Variants in LRP1B observed in about 807,000 individuals in gnomAD.
LRP1B encodes the protein low-density lipoprotein receptor-related protein 1B.
LRP1B carries 217 observed loss-of-function variants against 556.6 expected under a neutral mutation model. The observed-to-expected ratio is 0.39, with a 90% CI of 0.35 to 0.44. The LOEUF (loss-of-function observed/expected upper bound fraction) is 0.44. Ranked by LOEUF, LRP1B falls within the 20% of genes least tolerant of loss-of-function variation. The pLI, the probability that LRP1B is intolerant of heterozygous loss-of-function variation, is 1.00. For missense variants in LRP1B, 5,053 were observed against 5,620.8 expected, an observed-to-expected ratio of 0.90 and a Z score of 3.23; for synonymous variants, 2,047 against 1,865.8, an observed-to-expected ratio of 1.10 and a Z score of -2.50.
At chr2:141,747,596 G>A (rs965353444) in intron 2 of LRP1B, among the ~76,000 whole-genome samples, 5 of 152,062 alleles carry the variant, frequency 3.3e-5, no homozygotes, top group Admixed American at 6.6e-5. Flanking sequence ...ATGATATCCC[G>A]ACTGTACTGG....
At chr2:141,044,674 C>T (rs1397049667) in intron 11 of LRP1B, among the ~76,000 whole-genome samples, 2 of 151,870 alleles carry the variant, frequency 1.3e-5, no homozygotes, top group African/African-American at 4.8e-5. Flanking sequence ...AAAAAATGCT[C>T]ATCATCACTG....
rs560189441 is a variant in LRP1B, at chr2:141,230,151, G to A, written c.593-711C>T. Among the ~76,000 whole-genome samples the A allele has an allele frequency of 5.9e-5, 9 of 152,236 alleles. No homozygotes were observed. In the South Asian group the frequency reaches 1.2e-3, roughly 21 times the overall value. On this transcript the variant is annotated intron_variant, in intron 5 of 90. Coordinates refer to ENST00000389484, the MANE Select transcript of LRP1B (RefSeq NM_018557.3). Reference sequence around the variant, plus strand: ...CAGAGTTTCAACAGCATATTTAAACGTAACAGTAAAATCTGATAGAAAATT... The same window carrying A: ...CAGAGTTTCAACAGCATATTTAAACATAACAGTAAAATCTGATAGAAAATT...
chr2:141,694,465 A>G (rs1007181848), intron 2 of LRP1B, among the ~76,000 whole-genome samples: 2 of 152,020 alleles, frequency 1.3e-5, no homozygotes, highest in South Asian at 2.1e-4. Context: ...TGTACCAATA[A>G]TTTACTCATC....
chr2:140,428,764 C>T (rs1355552009), intron 66 of LRP1B, among the ~76,000 whole-genome samples: 2 of 152,148 alleles, frequency 1.3e-5, no homozygotes, highest in Non-Finnish European at 2.9e-5. Context: ...GTTTCCCTTG[C>T]CTCCATAACT....
At chr2:140,251,290 C>A (rs1024685401) in intron 86 of LRP1B, among the ~76,000 whole-genome samples, 1 of 151,192 alleles carries the variant, frequency 6.6e-6, no homozygotes, top group Non-Finnish European at 1.5e-5. Flanking sequence ...ACATATAAAC[C>A]GTCTAAAATA....
chr2:141,685,125 TTTC>T (rs1691247982), intron 2 of LRP1B, among the ~76,000 whole-genome samples: 1 of 152,112 alleles, frequency 6.6e-6, no homozygotes, highest in South Asian at 2.1e-4. Flanking sequence ...TCTTCCTCCT[TTTC>T]TTCTTTTTAA....
chr2:141,448,843 G>T (rs942552976), intron 3 of LRP1B, among the ~76,000 whole-genome samples: 1 of 152,246 alleles, frequency 6.6e-6, no homozygotes, highest in Non-Finnish European at 1.5e-5. Flanking sequence ...TTCCTATTTG[G>T]CCATCTTGCC....
intron 3 of LRP1B, among the ~76,000 whole-genome samples, chr2:141,463,915 T>C (rs1476342830): frequency 6.7e-6 from 1 of 150,024 alleles, no homozygotes; most frequent in African/African-American, 2.4e-5. Context: ...TTTTTCTGAT[T>C]TTGGGGGGCC....
At chr2:140,867,972 C>CGAA in intron 26 of LRP1B, 127 bp downstream of exon 26, 1 of 1,116,660 alleles carries the variant, frequency 9.0e-7, no homozygotes. Flanking sequence ...TTGGGGCAAG[C>CGAA]AAAAAAAAAA....
In LRP1B at chr2:140,412,133, A is replaced by G. The variant is rs191431045; in HGVS notation, c.10415-26124T>C. Among the ~76,000 whole-genome samples the G allele has an allele frequency of 2.5e-3, 387 of 152,222 alleles. 2 individuals carry two copies. Among genetic ancestry groups the G allele is most frequent in the African/African-American group, 8.8e-3 (367 of 41,556 alleles). On this transcript the variant is annotated intron_variant, in intron 66 of 90. Transcript: ENST00000389484. ...GACTCAAAAAAGAAGCAAATATATC[A>G]ATTAGGTTACTCTACAAAGGTTCAT... is the stretch of plus-strand genomic sequence containing the variant.
chr2:141,285,788 C>T (rs1340209482), intron 3 of LRP1B, among the ~76,000 whole-genome samples: 2 of 137,630 alleles, frequency 1.5e-5, no homozygotes, highest in African/African-American at 2.6e-5. Flanking sequence ...ATGTTCAGGC[C>T]GGGCGCGGTG....
At chr2:140,457,793 T>G (rs1213644477) in intron 60 of LRP1B, 142 bp from the exon 61 acceptor site, 3 of 629,392 alleles carry the variant, frequency 4.8e-6, no homozygotes, top group South Asian at 2.5e-5. Flanking sequence ...GCCAGCAAAG[T>G]TCTTTATTAC....
chr2:140,783,954 C>G (rs1388195058), intron 32 of LRP1B, among the ~76,000 whole-genome samples: 2 of 152,108 alleles, frequency 1.3e-5, no homozygotes, highest in Non-Finnish European at 2.9e-5. Flanking sequence ...GGGCTCCACC[C>G]CAGACTGTAT....
chr2:141,605,128 G>A (rs1408525670), intron 2 of LRP1B, among the ~76,000 whole-genome samples: 1 of 151,944 alleles, frequency 6.6e-6, no homozygotes, highest in African/African-American at 2.4e-5. Flanking sequence ...CATTCGATTT[G>A]CTATATATAT....
intron 2 of LRP1B, among the ~76,000 whole-genome samples, chr2:141,588,181 C>A (rs1210685837): frequency 6.6e-6 from 1 of 151,966 alleles, no homozygotes; most frequent in Non-Finnish European, 1.5e-5. Context: ...AATGTGTCCA[C>A]AATATCTCAA....
chr2:141,612,699 C>T (rs1688148511), intron 2 of LRP1B, among the ~76,000 whole-genome samples: 1 of 152,090 alleles, frequency 6.6e-6, no homozygotes, highest in Admixed American at 6.5e-5. Flanking sequence ...CATAGGCAAC[C>T]ACTGGAGAGT....
At chr2:140,856,563 T>C (rs1692623163) in intron 27 of LRP1B, among the ~76,000 whole-genome samples, 1 of 152,182 alleles carries the variant, frequency 6.6e-6, no homozygotes, top group African/African-American at 2.4e-5. Context: ...ATAGTAATTA[T>C]TCAACTCTGC....
chr2:141,722,580 G>A (rs892552030), intron 2 of LRP1B, among the ~76,000 whole-genome samples: 28 of 152,088 alleles, frequency 1.8e-4, no homozygotes, highest in African/African-American at 7.2e-5. Flanking sequence ...ATAAAACTAT[G>A]TAAATAATGT....
intron 7 of LRP1B, among the ~76,000 whole-genome samples, chr2:141,084,416 A>G (rs1219514901): frequency 1.3e-5 from 2 of 152,326 alleles, no homozygotes; most frequent in East Asian, 3.9e-4. Context: ...AAGCATTTTT[A>G]TTGCACTGAC....
Sources: gnomAD v4.1 joint callset for allele counts (sites outside exome capture counted in the v4.1 genomes callset) on GRCh38, gnomAD v4.1.1 for gene constraint, MANE v1.5 for transcripts, NCBI Gene and HGNC (gene_info 2026-07-23, HGNC 2026-07-21) for gene names.